IL1RAP: variants seen among roughly 807,000 people sequenced by gnomAD.
IL1RAP encodes the protein interleukin 1 receptor accessory protein.
A neutral mutation model predicts 60.7 loss-of-function variants in IL1RAP; 35 were observed. The ratio of observed to expected loss-of-function variants is 0.58; its 90% CI spans 0.44 to 0.76. IL1RAP has a LOEUF of 0.76. Among genes scored for constraint, IL1RAP ranks in the 30% least tolerant of loss-of-function variants. IL1RAP has a pLI of 0.00. For synonymous variants in IL1RAP, 268 were observed against 250.9 expected (o/e 1.07, Z -0.64); for missense variants, 572 against 693.9 (o/e 0.82, Z 1.97).
intron 3 of IL1RAP, among the ~76,000 whole-genome samples, chr3:190,599,490 T>TC (rs1416015258): frequency 1.1e-5 from 1 of 94,404 alleles, no homozygotes; most frequent in African/African-American, 3.9e-5. Flanking sequence ...GTAAAGTGAC[T>TC]TTTTTTTTTT....
At chr3:190,614,558 A>G (rs1343889433) in intron 5 of IL1RAP, among the ~76,000 whole-genome samples, 5 of 152,120 alleles carry the variant, frequency 3.3e-5, no homozygotes, top group African/African-American at 1.2e-4. Context: ...CATCCTTATG[A>G]AATAGGCTGT....
At chr3:190,538,776 A>G (rs879597777) in intron 1 of IL1RAP, among the ~76,000 whole-genome samples, 1 of 152,048 alleles carries the variant, frequency 6.6e-6, no homozygotes, top group Non-Finnish European at 1.5e-5. Context: ...TAATTGAATC[A>G]TGGGGACGGT....
intron 1 of IL1RAP, among the ~76,000 whole-genome samples, chr3:190,526,087 G>T (rs1244464253): frequency 6.6e-6 from 1 of 152,186 alleles, no homozygotes; most frequent in African/African-American, 2.4e-5. Context: ...TCTCTTCCGT[G>T]ATGTGTTTAC....
intron 1 of IL1RAP, among the ~76,000 whole-genome samples, chr3:190,518,240 ATCTT>A (rs1169146928): frequency 1.3e-5 from 2 of 152,092 alleles, no homozygotes; most frequent in Non-Finnish European, 2.9e-5. Context: ...TATAGAGATG[ATCTT>A]TTGGCTCTGC....
chr3:190,602,376 A>G (rs1729936524), intron 3 of IL1RAP, among the ~76,000 whole-genome samples: 1 of 152,182 alleles, frequency 6.6e-6, no homozygotes. Context: ...CAAGCTTTAC[A>G]TTTTATAATC....
chr3:190,579,982 G>A (rs1727848462), intron 3 of IL1RAP, among the ~76,000 whole-genome samples: 1 of 152,108 alleles, frequency 6.6e-6, no homozygotes, highest in Non-Finnish European at 1.5e-5. Flanking sequence ...CATCCCTGAT[G>A]CACCTGTGTG....
At chr3:190,547,303 A>G (rs890541179) in intron 1 of IL1RAP, among the ~76,000 whole-genome samples, 1 of 152,224 alleles carries the variant, frequency 6.6e-6, no homozygotes, top group East Asian at 1.9e-4. Flanking sequence ...CCTTCCCCCC[A>G]TCCAGTGTGA....
intron 9 of IL1RAP, among the ~76,000 whole-genome samples, chr3:190,630,626 A>G (rs1460936364): frequency 6.6e-6 from 1 of 152,238 alleles, no homozygotes; most frequent in East Asian, 1.9e-4. Flanking sequence ...GTACTAGTGA[A>G]TCAGTTCAGG....
intron 1 of IL1RAP, among the ~76,000 whole-genome samples, chr3:190,514,661 C>T (rs1045210939): frequency 3.3e-5 from 5 of 152,164 alleles, no homozygotes; most frequent in African/African-American, 1.2e-4. Context: ...CAGCGCAGAG[C>T]TGTGACAGCC....
At chr3:190,628,963 A>G (rs59110898) in intron 8 of IL1RAP, among the ~76,000 whole-genome samples, 1,590 of 152,324 alleles carry the variant, frequency 0.01, 31 homozygotes, top group African/African-American at 0.036. Context: ...TATCTCACCC[A>G]AAGTATATAG....
At chr3:190,541,245 A>G (rs1303913448) in intron 1 of IL1RAP, among the ~76,000 whole-genome samples, 2 of 152,088 alleles carry the variant, frequency 1.3e-5, no homozygotes, top group African/African-American at 4.8e-5. Context: ...TCCTAGTAAA[A>G]GGCATTTCTA....
rs1371018922 is a variant in IL1RAP, at chr3:190,641,104, T to A, written c.1052-3144T>A. ...CCTCAGCCTCCCGAGTAGCTGGGAT[T>A]ACAGGCATGCGCCACCACACCCGGC... is the stretch of plus-strand genomic sequence containing the variant. On this transcript the variant is annotated intron_variant, in intron 9 of 11. Coordinates refer to ENST00000447382, the MANE Select transcript of IL1RAP (RefSeq NM_002182.4). 3.3e-5 allele frequency among the ~76,000 whole-genome samples: 5 copies of A among 152,310 alleles called. No homozygotes were observed. The East Asian group carries it at 9.6e-4, about 29-fold the overall frequency.
Position 190,545,508 on chromosome 3 carries a change from A to G in IL1RAP, c.-88-10622A>G, listed in dbSNP as rs193194141. On this transcript the variant is annotated intron_variant, in intron 1 of 11. Transcript: ENST00000447382. The stretch of plus-strand genomic sequence containing the variant: ...CTACAGATCAATGACATGAAGCAAC[A>G]TGGGATTTTCTGTAGGACATGACAA... Among the ~76,000 whole-genome samples, 4 of 152,330 alleles carry G rather than the reference A, an allele frequency of 2.6e-5. No homozygotes were observed. The East Asian group carries it at 5.8e-4, about 22-fold the overall frequency.
chr3:190,615,377 G>A (rs1483849791), intron 5 of IL1RAP: 11 of 1,056,866 alleles, frequency 1.0e-5, no homozygotes, highest in Non-Finnish European at 1.4e-5. Context: ...TTTTGTTGTT[G>A]CTTTTGTTAC....
intron 1 of IL1RAP, among the ~76,000 whole-genome samples, chr3:190,551,254 C>G (rs1724838773): frequency 1.3e-5 from 2 of 152,208 alleles, no homozygotes; most frequent in Non-Finnish European, 2.9e-5. Context: ...TTGAGCTTGA[C>G]TCCTTAAAGG....
chr3:190,565,916 G>A (rs188300822), intron 3 of IL1RAP, among the ~76,000 whole-genome samples: 176 of 151,948 alleles, frequency 1.2e-3, no homozygotes, highest in Non-Finnish European at 1.8e-3. Flanking sequence ...AGTTTTCTTT[G>A]TAACACTCAC....
At chr3:190,627,515 G>A in intron 8 of IL1RAP, 66 bp downstream of exon 8, 1 of 1,483,456 alleles carries the variant, frequency 6.7e-7, no homozygotes. Flanking sequence ...TCTGATGTGT[G>A]TTCTAGTCAA....
chr3:190,645,714 A>G lies in IL1RAP; in HGVS notation c.1217A>G (p.Asp406Gly). The change falls in exon 11 of 12, where the codon GAT becomes GGT. Residue 406 changes from aspartate to glycine, a missense_variant. Physicochemically the swap from Asp to Gly is moderately conservative, Grantham distance 94. Coordinates refer to ENST00000447382, the MANE Select transcript of IL1RAP (RefSeq NM_002182.4). ...CTTTTGCTAGATGGAAAAGAGTATG[A>G]TATTTATGTATCCTATGCAAGGAAT... Reference protein sequence around the residue: ...DETILDGKEYDIYVSYARNAE... With the variant: ...DETILDGKEYGIYVSYARNAE... 3 of 1,611,726 alleles carry G rather than the reference A, an allele frequency of 1.9e-6. No individual in the cohort carries two copies. Among genetic ancestry groups the G allele is most frequent in the Non-Finnish European group, 2.5e-6 (3 of 1,178,142 alleles).
At chr3:190,551,941 A>G (rs1246025302) in intron 1 of IL1RAP, among the ~76,000 whole-genome samples, 1 of 152,238 alleles carries the variant, frequency 6.6e-6, no homozygotes, top group African/African-American at 2.4e-5. Context: ...ATTTTGGAAC[A>G]TATATTAGCA....
Sources: allele counts gnomAD v4.1 joint callset (sites outside exome capture counted in the v4.1 genomes callset), GRCh38; gene constraint gnomAD v4.1.1; transcripts MANE v1.5; gene names NCBI Gene and HGNC (gene_info 2026-07-23, HGNC 2026-07-21).